The following SLC9A6 variants were observed in gnomAD, a reference collection of about 807,000 sequenced individuals.
SLC9A6 encodes the protein sodium/hydrogen exchanger 6.
Under a neutral mutation model 45.3 loss-of-function variants are expected in SLC9A6, and 6 were observed. The observed-to-expected ratio is 0.13, with a 90% CI of 0.07 to 0.26. The LOEUF is 0.26. Among genes scored for constraint, SLC9A6 ranks in the 10% least tolerant of loss-of-function variants. The pLI, the probability that SLC9A6 is intolerant of heterozygous loss-of-function variation, is 1.00. For missense variants in SLC9A6, 278 were observed against 503.7 expected (o/e 0.55, Z 4.29); for synonymous variants, 191 against 187.7 (o/e 1.02, Z -0.14).
chrX:136,001,902 G>A (rs1556617415), intron 6 of SLC9A6, among the ~76,000 whole-genome samples: 2 of 112,089 alleles, frequency 1.8e-5, no homozygotes, highest in African/African-American at 6.5e-5. Flanking sequence ...TTTTAAGAGA[G>A]AGAGGAGAAG....
At chrX:136,025,181 A>T (rs1264397643) in intron 13 of SLC9A6, among the ~76,000 whole-genome samples, 2 of 112,468 alleles carry the variant, frequency 1.8e-5, no homozygotes, top group African/African-American at 6.5e-5. Flanking sequence ...TTAACCTAAC[A>T]ATCCAAAGCC....
chrX:136,033,214 A>C, intron 15 of SLC9A6, 200 bp from the exon 16 acceptor site: 1 of 270,395 alleles, frequency 3.7e-6, no homozygotes, highest in Non-Finnish European at 6.8e-6. Context: ...AAGCAGCCTG[A>C]GTAATAGAGG....
intron 8 of SLC9A6, among the ~76,000 whole-genome samples, chrX:136,012,060 A>G (rs1198691339): frequency 1.8e-5 from 2 of 112,790 alleles, no homozygotes; most frequent in Non-Finnish European, 3.8e-5. Flanking sequence ...ACTGCACTCC[A>G]GCCTGGGCGA....
intron 8 of SLC9A6, among the ~76,000 whole-genome samples, chrX:136,012,498 G>T (rs2070942442): frequency 8.9e-6 from 1 of 112,871 alleles, no homozygotes; most frequent in African/African-American, 3.2e-5. Context: ...CTTCATCATG[G>T]AATGAATGCT....
chrX:136,026,837 C>T (rs782638657), intron 13 of SLC9A6, among the ~76,000 whole-genome samples: 1 of 112,304 alleles, frequency 8.9e-6, no homozygotes, highest in East Asian at 2.8e-4. Flanking sequence ...CACCCAGCCT[C>T]AGTGCTTCTT....
chrX:136,044,349 C>G (rs1210612969), intron 17 of SLC9A6, 103 bp from the exon 18 acceptor site: 2 of 693,839 alleles, frequency 2.9e-6, no homozygotes, highest in Admixed American at 4.8e-5. Flanking sequence ...GGGCAGTGGG[C>G]TACCACTTAA....
chrX:135,985,860 G>C, intron 2 of SLC9A6, 33 bp downstream of exon 2: 1 of 1,206,254 alleles, frequency 8.3e-7, no homozygotes, highest in Non-Finnish European at 1.1e-6. Context: ...GCCCCTTGGC[G>C]CTGCCCCTTT....
chrX:136,008,154 C>T (rs1330898102), intron 7 of SLC9A6, among the ~76,000 whole-genome samples: 3 of 112,024 alleles, frequency 2.7e-5, no homozygotes, highest in African/African-American at 9.7e-5. Context: ...AAATGTCTAA[C>T]AATGAGGAAA....
chrX:136,037,244 G>A (rs782095327), intron 16 of SLC9A6, among the ~76,000 whole-genome samples: 11 of 111,764 alleles, frequency 9.8e-5, no homozygotes, highest in Admixed American at 9.4e-4. Context: ...TTACACACAT[G>A]TGCATGTGCA....
chrX:136,010,236 A>T, intron 7 of SLC9A6: 3 of 224,572 alleles, frequency 1.3e-5, no homozygotes, highest in Non-Finnish European at 1.7e-5. Flanking sequence ...CCCCCCCCCG[A>T]AATTAACATT....
intron 16 of SLC9A6, among the ~76,000 whole-genome samples, chrX:136,039,708 A>G (rs1227289113): frequency 8.9e-6 from 1 of 112,158 alleles, no homozygotes; most frequent in Non-Finnish European, 1.9e-5. Flanking sequence ...TGTAGTGCCC[A>G]ATTTACAGTG....
chrX:135,980,108 TGG>T (rs2089279810), intron 1 of SLC9A6, among the ~76,000 whole-genome samples: 2 of 111,926 alleles, frequency 1.8e-5, no homozygotes, highest in African/African-American at 6.5e-5. Context: ...AAATTAATAT[TGG>T]GGAGGTTTTT....
At chrX:136,038,099 T>A (rs1473214588) in intron 16 of SLC9A6, among the ~76,000 whole-genome samples, 1 of 111,932 alleles carries the variant, frequency 8.9e-6, no homozygotes, top group Non-Finnish European at 1.9e-5. Flanking sequence ...CAGGACATTC[T>A]TACCTTATTC....
intron 16 of SLC9A6, among the ~76,000 whole-genome samples, chrX:136,035,529 T>A (rs782462386): frequency 2.7e-5 from 3 of 111,886 alleles, no homozygotes; most frequent in Non-Finnish European, 5.6e-5. Context: ...ATTGCTGTAG[T>A]AGGGTAGAGC....
chrX:135,985,381 G>A, upstream of SLC9A6: 3 of 385,819 alleles, frequency 7.8e-6, no homozygotes, highest in Non-Finnish European at 1.2e-5. Context: ...CTTTAAGAGC[G>A]GCGGCGGCGG....
At chrX:136,030,452 T>G in intron 15 of SLC9A6, 1 of 332,831 alleles carries the variant, frequency 3.0e-6, no homozygotes, top group Non-Finnish European at 5.3e-6. Context: ...CTCCTGGGTT[T>G]TCGAGTGACT....
At position 135,985,563 on chromosome X, in the gene SLC9A6, G is replaced by C. The variant is rs1556614734; in HGVS notation, c.-56-40G>C. ...CCGTGGCGTCGGCAGCAGTCCCCGAGCCCGCAGGCTCATGCGGCCCCTTTG... is the reference window on the plus strand; with the variant it reads ...CCGTGGCGTCGGCAGCAGTCCCCGACCCCGCAGGCTCATGCGGCCCCTTTG... On this transcript the variant is annotated intron_variant, in intron 1 of 17. Coordinates refer to ENST00000630721, the MANE Select transcript of SLC9A6 (RefSeq NM_001379110.1). The C allele has an allele frequency of 8.4e-7, 1 of 1,193,790 alleles. No homozygotes were observed. The highest frequency in any genetic ancestry group is 1.8e-5 in the African/African-American group (1 of 56,606).
intron 7 of SLC9A6, among the ~76,000 whole-genome samples, chrX:136,005,696 A>G (rs1480361483): frequency 1.3e-5 from 1 of 78,480 alleles, no homozygotes; most frequent in Non-Finnish European, 2.6e-5. Context: ...AAAAAAAAAG[A>G]GAGAGAGCCC....
chrX:135,993,100 C>T (rs782351446), intron 2 of SLC9A6, among the ~76,000 whole-genome samples: 17 of 111,748 alleles, frequency 1.5e-4, no homozygotes, highest in African/African-American at 2.9e-4. Flanking sequence ...ATCGTTTGGT[C>T]GTAAAAGTAA....
Sources: gnomAD v4.1 joint callset for allele counts (sites outside exome capture counted in the v4.1 genomes callset) on GRCh38, gnomAD v4.1.1 for gene constraint, MANE v1.5 for transcripts, NCBI Gene and HGNC (gene_info 2026-07-23, HGNC 2026-07-21) for gene names.